RNF121: variants seen among roughly 807,000 people sequenced by gnomAD.
RNF121 encodes E3 ubiquitin ligase RNF121.
RNF121 carries 21 observed loss-of-function variants against 46.5 expected under a neutral mutation model. That is an observed-to-expected ratio of 0.45 (90% CI 0.32 to 0.65). RNF121 has a LOEUF of 0.65. RNF121 is among the 30% of genes least tolerant of loss of function. The pLI, the probability that RNF121 is intolerant of heterozygous loss-of-function variation, is 0.04. For synonymous variants in RNF121, 139 were observed against 144.7 expected (o/e 0.96, Z 0.28); for missense variants, 346 against 416.0 (o/e 0.83, Z 1.46).
At chr11:71,978,850 G>T (rs529730798) in intron 3 of RNF121, among the ~76,000 whole-genome samples, 13 of 152,164 alleles carry the variant, frequency 8.5e-5, no homozygotes, top group African/African-American at 1.2e-4. Context: ...TAAACGATCT[G>T]CCTAAGTTAA....
At chr11:71,950,173 AT>A (rs1355079486) in intron 1 of RNF121, among the ~76,000 whole-genome samples, 1 of 152,168 alleles carries the variant, frequency 6.6e-6, no homozygotes, top group Non-Finnish European at 1.5e-5. Context: ...GAGGTGAAGG[AT>A]TGGGTTTCAG....
chr11:71,983,973 T>A (rs1954714657), intron 4 of RNF121, among the ~76,000 whole-genome samples: 1 of 152,206 alleles, frequency 6.6e-6, no homozygotes, highest in Non-Finnish European at 1.5e-5. Context: ...TAAGTTCCTC[T>A]CTGGCTTTGG....
intron 3 of RNF121, among the ~76,000 whole-genome samples, chr11:71,964,856 T>C (rs1954236233): frequency 6.6e-6 from 1 of 152,168 alleles, no homozygotes; most frequent in African/African-American, 2.4e-5. Flanking sequence ...TTTTATGGGA[T>C]GGTTGACTGG....
rs373758192 is a variant in RNF121, at chr11:71,963,195, A to C, written c.243+2304A>C. Among the ~76,000 whole-genome samples, 68 of 152,298 alleles carry C rather than the reference A, an allele frequency of 4.5e-4. No individual in the cohort carries two copies. In the East Asian group the frequency reaches 0.011, roughly 25 times the overall value. On this transcript the variant is annotated intron_variant, in intron 3 of 8. Transcript: ENST00000361756. ...TTATTGATAGTGTCCTTTGATGCAT[A>C]AACAGTTTTTAATTTTGATGAAGTT...
At chr11:71,953,187 C>G (rs2134167998) in intron 1 of RNF121, among the ~76,000 whole-genome samples, 1 of 152,294 alleles carries the variant, frequency 6.6e-6, no homozygotes, top group Middle Eastern at 3.4e-3. Flanking sequence ...GCACATGCCA[C>G]CACGCCTGGC....
intron 3 of RNF121, among the ~76,000 whole-genome samples, chr11:71,967,767 A>G (rs2134186240): frequency 6.6e-6 from 1 of 152,224 alleles, no homozygotes; most frequent in East Asian, 1.9e-4. Flanking sequence ...TACATACTAC[A>G]AACATTTCCT....
chr11:71,978,288 G>C, intron 3 of RNF121: 1 of 329,880 alleles, frequency 3.0e-6, no homozygotes, highest in Non-Finnish European at 6.1e-6. Flanking sequence ...CAGCTCCTCT[G>C]CCTTGCCCCT....
At chr11:71,951,896 G>T (rs768471351) in intron 1 of RNF121, among the ~76,000 whole-genome samples, 2 of 152,152 alleles carry the variant, frequency 1.3e-5, no homozygotes, top group African/African-American at 4.8e-5. Flanking sequence ...TACAGCTGCC[G>T]TGGAAAACAG....
Position 71,957,228 on chromosome 11 carries a change from T to C in RNF121, c.65T>C (p.Val22Ala). ...TTTTCTGGTGGTGTCTTTCTACAGG[T>C]TGATATGTCAGATCTCTCTCCAGAA... ...GAAGERELDE[V>A]DMSDLSPEEQ... The change falls in exon 2 of 9, where the codon GTT (valine) becomes GCT (alanine). Residue 22 changes from valine to alanine, a missense_variant and splice_region_variant. Val to Ala is a moderately conservative substitution (Grantham distance 64, BLOSUM62 0). Transcript: ENST00000361756. 6.2e-7 allele frequency: 1 copy of C among 1,600,458 alleles called. No individual in the cohort carries two copies. The highest frequency in any genetic ancestry group is 8.6e-7 in the Non-Finnish European group (1 of 1,167,500).
intron 1 of RNF121, 109 bp downstream of exon 1, chr11:71,929,233 G>T: frequency 6.8e-7 from 1 of 1,461,780 alleles, no homozygotes; most frequent in Non-Finnish European, 9.1e-7. Flanking sequence ...TCCTGAGAGG[G>T]AAGGAGCTGA....
intron 1 of RNF121, among the ~76,000 whole-genome samples, chr11:71,934,858 T>C (rs565615231): frequency 6.6e-6 from 1 of 151,904 alleles, no homozygotes; most frequent in Non-Finnish European, 1.5e-5. Context: ...AGGCCAGGGC[T>C]TAGCAGAAAA....
intron 3 of RNF121, among the ~76,000 whole-genome samples, chr11:71,962,640 T>G (rs978425373): frequency 6.6e-6 from 1 of 152,238 alleles, no homozygotes; most frequent in African/African-American, 2.4e-5. Flanking sequence ...TGAGAGGATA[T>G]GCTAACATGA....
chr11:71,962,958 A>G (rs1160767410), intron 3 of RNF121, among the ~76,000 whole-genome samples: 1 of 152,116 alleles, frequency 6.6e-6, no homozygotes, highest in African/African-American at 2.4e-5. Context: ...TTCCCTAATG[A>G]CTAATGATGT....
rs534924898 is a variant in RNF121, at chr11:71,967,653, C to T, written c.243+6762C>T. ...GGCCAGGATAGTCTCGATCTCCTGACCTCGTGATCTGCCCACCTTGGCCTC... is the reference window on the plus strand; with the variant it reads ...GGCCAGGATAGTCTCGATCTCCTGATCTCGTGATCTGCCCACCTTGGCCTC... On this transcript the variant is annotated intron_variant, in intron 3 of 8. Coordinates refer to ENST00000361756, the MANE Select transcript of RNF121 (RefSeq NM_018320.5). Among the ~76,000 whole-genome samples, 8 of 152,198 alleles carry T rather than the reference C, an allele frequency of 5.3e-5. No homozygotes were observed. The East Asian group carries it at 1.2e-3, about 22-fold the overall frequency.
chr11:71,955,393 T>G (rs1433111610), intron 1 of RNF121, among the ~76,000 whole-genome samples: 1 of 152,138 alleles, frequency 6.6e-6, no homozygotes, highest in Non-Finnish European at 1.5e-5. Context: ...ACCTGAGATG[T>G]TACATTTCTA....
intron 3 of RNF121, among the ~76,000 whole-genome samples, chr11:71,965,199 A>G (rs1218818938): frequency 6.6e-6 from 1 of 152,028 alleles, no homozygotes; most frequent in Non-Finnish European, 1.5e-5. Flanking sequence ...TATCTCTCAA[A>G]TATCTATCCA....
At chr11:71,934,557 T>G (rs2134143203) in intron 1 of RNF121, among the ~76,000 whole-genome samples, 1 of 152,362 alleles carries the variant, frequency 6.6e-6, no homozygotes, top group Admixed American at 6.5e-5. Flanking sequence ...TATAGACATT[T>G]AGTAAATGTT....
chr11:71,972,903 G>A (rs942972438), intron 3 of RNF121, among the ~76,000 whole-genome samples: 1 of 152,106 alleles, frequency 6.6e-6, no homozygotes, highest in African/African-American at 2.4e-5. Flanking sequence ...CATAGGCTGG[G>A]CGGCTGGGTG....
At chr11:71,937,715 T>C (rs1051598984) in intron 1 of RNF121, among the ~76,000 whole-genome samples, 2 of 152,230 alleles carry the variant, frequency 1.3e-5, no homozygotes, top group African/African-American at 4.8e-5. Flanking sequence ...CAGATTCTGC[T>C]TCTTTGCATC....
Sources: gnomAD v4.1 joint callset for allele counts (sites outside exome capture counted in the v4.1 genomes callset) on GRCh38, gnomAD v4.1.1 for gene constraint, MANE v1.5 for transcripts, NCBI Gene and HGNC (gene_info 2026-07-23, HGNC 2026-07-21) for gene names.